MRTFA: variants seen among roughly 807,000 people sequenced by gnomAD.
MRTFA encodes myocardin-related transcription factor A.
MRTFA carries 20 observed loss-of-function variants against 83.5 expected under a neutral mutation model. That is an observed-to-expected ratio of 0.24 (90% CI 0.17 to 0.35). MRTFA has a LOEUF of 0.35. Among genes scored for constraint, MRTFA ranks in the 10% least tolerant of loss-of-function variants. The probability of loss-of-function intolerance (pLI) is 1.00; values close to 1 mark genes in which losing one functional copy is unlikely to be tolerated. For synonymous variants in MRTFA, 659 were observed against 541.2 expected, an observed-to-expected ratio of 1.22 and a Z score of -3.02; for missense variants, 1,200 against 1,224.7, an observed-to-expected ratio of 0.98 and a Z score of 0.30.
At chr22:40,591,093 C>G (rs1359188150) in intron 2 of MRTFA, among the ~76,000 whole-genome samples, 1 of 152,046 alleles carries the variant, frequency 6.6e-6, no homozygotes, top group Non-Finnish European at 1.5e-5. Context: ...TGAGATCGCG[C>G]CACTGCACTC....
chr22:40,564,561 T>A (rs537917665), intron 2 of MRTFA, among the ~76,000 whole-genome samples: 1 of 152,310 alleles, frequency 6.6e-6, no homozygotes, highest in East Asian at 1.9e-4. Flanking sequence ...AATTGTCAAA[T>A]ACCGCTGAGT....
At chr22:40,617,676 G>A (rs1326126639) in intron 1 of MRTFA, among the ~76,000 whole-genome samples, 4 of 145,828 alleles carry the variant, frequency 2.7e-5, no homozygotes, top group Admixed American at 6.9e-5. Flanking sequence ...GCAGTGAGCC[G>A]AGATCTCACC....
chr22:40,445,328 A>G (rs552262008), intron 4 of MRTFA, among the ~76,000 whole-genome samples: 2 of 152,342 alleles, frequency 1.3e-5, no homozygotes, highest in South Asian at 2.1e-4. Context: ...AAAGTTGCAG[A>G]TATCAGTTAT....
intron 1 of MRTFA, among the ~76,000 whole-genome samples, chr22:40,601,397 G>A (rs1319658461): frequency 1.3e-5 from 2 of 151,886 alleles, no homozygotes; most frequent in Non-Finnish European, 2.9e-5. Context: ...TATTTTTGTA[G>A]TGACAGAGTC....
chr22:40,561,643 T>C (rs1164092931), intron 2 of MRTFA, among the ~76,000 whole-genome samples: 1 of 152,184 alleles, frequency 6.6e-6, no homozygotes, highest in African/African-American at 2.4e-5. Context: ...TAGGGCTTCC[T>C]ATTCCTTCTT....
intron 2 of MRTFA, among the ~76,000 whole-genome samples, chr22:40,555,786 A>G (rs1391448679): frequency 6.6e-6 from 1 of 151,444 alleles, no homozygotes; most frequent in Non-Finnish European, 1.5e-5. Flanking sequence ...ACAGGCGCCC[A>G]CCACCATGCC....
At chr22:40,568,528 A>G (rs1357377377) in intron 2 of MRTFA, among the ~76,000 whole-genome samples, 1 of 152,226 alleles carries the variant, frequency 6.6e-6, no homozygotes, top group East Asian at 1.9e-4. Context: ...ACTCTTAGCC[A>G]ATTAATATTC....
At chr22:40,559,510 C>A (rs1303535434) in intron 2 of MRTFA, among the ~76,000 whole-genome samples, 1 of 152,092 alleles carries the variant, frequency 6.6e-6, no homozygotes, top group Non-Finnish European at 1.5e-5. Flanking sequence ...GCCTTAAACT[C>A]CTGGGCTCAA....
intron 8 of MRTFA, 38 bp downstream of exon 8, chr22:40,424,168 C>T (rs201327559): frequency 1.4e-4 from 218 of 1,563,642 alleles, no homozygotes; most frequent in Admixed American, 2.0e-4. Flanking sequence ...AGCCCTAGCA[C>T]CTTGGAGCTG....
intron 3 of MRTFA, among the ~76,000 whole-genome samples, chr22:40,486,670 C>A (rs1474566657): frequency 6.6e-6 from 1 of 152,170 alleles, no homozygotes; most frequent in Non-Finnish European, 1.5e-5. Context: ...TGGCTCATTA[C>A]GAACACTTTA....
chr22:40,434,296 T>C (rs903683603), intron 5 of MRTFA, among the ~76,000 whole-genome samples: 1 of 151,936 alleles, frequency 6.6e-6, no homozygotes, highest in African/African-American at 2.4e-5. Flanking sequence ...ACTCCTTTGG[T>C]TCCCAGGACC....
rs1334030975 is a variant in MRTFA at position 40,411,431 on chromosome 22, C to T, written c.3055G>A (p.Asp1019Asn). Residue 1019 changes from aspartate to asparagine, a missense_variant, in exon 15 of 15, where the codon GAT (aspartate) becomes AAT (asparagine). Transcript: ENST00000355630. ...CAGTGCAGCTGCAAATCATGGCCATCGAGGAAGTCTGTGGAGAAGAGGCTG... is the reference window on the plus strand; with the variant it reads ...CAGTGCAGCTGCAAATCATGGCCATTGAGGAAGTCTGTGGAGAAGAGGCTG... 5 of 1,579,118 alleles carry T rather than the reference C, an allele frequency of 3.2e-6. No homozygotes were observed. The highest frequency in any genetic ancestry group is 2.6e-6 in the Non-Finnish European group (3 of 1,155,414).
At position 40,610,658 on chromosome 22, in the gene MRTFA, CT is replaced by C. The variant is rs1479586134; in HGVS notation, c.-83-15924del. ...TGGACTCTAAACACATATTATTCAG[CT>C]TCATACTAGGAATCCACCATCAATC... On this transcript the variant is annotated intron_variant, in intron 1 of 14. Transcript: ENST00000355630. Among the ~76,000 whole-genome samples the C allele has an allele frequency of 3.9e-5, 6 of 152,208 alleles. No homozygotes were observed. In the East Asian group the frequency reaches 1.2e-3, roughly 29 times the overall value.
In MRTFA at chr22:40,610,045, T is replaced by C. The variant is rs1021663506; in HGVS notation, c.-83-15310A>G. Among the ~76,000 whole-genome samples, 60 of 140,814 alleles carry C rather than the reference T, an allele frequency of 4.3e-4. 1 individual carries two copies. Among genetic ancestry groups the C allele is most frequent in the South Asian group, 9.2e-4 (4 of 4,352 alleles). The allele number at this position is 140,814 out of a possible 152,430, so 92.4% of individuals were successfully genotyped here. A position where few individuals can be genotyped will look rare whatever the true frequency, so the allele number is the denominator to read the frequency against. ...AAATGTCTGTTTCTTTTTTTTCTCT[T>C]TTTTTTTTTTTTTTTTTTGAGACAG... On this transcript the variant is annotated intron_variant, in intron 1 of 14. Transcript: ENST00000355630.
intron 4 of MRTFA, among the ~76,000 whole-genome samples, chr22:40,443,912 T>C (rs752275381): frequency 2.2e-4 from 34 of 152,142 alleles, no homozygotes; most frequent in Non-Finnish European, 4.4e-4. Context: ...AGCCATGACT[T>C]TCGCCACTGC....
chr22:40,462,585 TATA>T (rs1441496483), intron 4 of MRTFA, among the ~76,000 whole-genome samples: 7 of 152,244 alleles, frequency 4.6e-5, no homozygotes, highest in Non-Finnish European at 1.0e-4. Flanking sequence ...CAGCTCCGTT[TATA>T]ATGCTGTTGG....
chr22:40,601,045 ACT>A (rs2056253521), intron 1 of MRTFA, among the ~76,000 whole-genome samples: 1 of 152,148 alleles, frequency 6.6e-6, no homozygotes, highest in Non-Finnish European at 1.5e-5. Context: ...AGAGTTTCAA[ACT>A]CTATAATAAA....
intron 1 of MRTFA, among the ~76,000 whole-genome samples, chr22:40,623,387 T>G (rs866358416): frequency 1.3e-5 from 2 of 152,080 alleles, no homozygotes; most frequent in Non-Finnish European, 2.9e-5. Context: ...TAGTTACATA[T>G]GTATACATGT....
chr22:40,542,946 G>A lies in MRTFA; in HGVS notation c.241+9160C>T, dbSNP rs118140478. ...CATTAGAATTTGGGCTTTTGCTTTT[G>A]TTTTGTTTTGTGTTAGAGCAGGAAC... On this transcript the variant is annotated intron_variant, in intron 3 of 14. Coordinates refer to ENST00000355630, the MANE Select transcript of MRTFA (RefSeq NM_020831.6). 1.8e-4 allele frequency among the ~76,000 whole-genome samples: 27 copies of A among 152,228 alleles called. No individual in the cohort carries two copies. The East Asian group carries it at 5.2e-3, about 29-fold the overall frequency.
Sources: allele counts gnomAD v4.1 joint callset (sites outside exome capture counted in the v4.1 genomes callset), GRCh38; gene constraint gnomAD v4.1.1; transcripts MANE v1.5; gene names NCBI Gene and HGNC (gene_info 2026-07-23, HGNC 2026-07-21).